PIGV: variants seen among roughly 807,000 people sequenced by gnomAD.
PIGV encodes phosphatidylinositol glycan anchor biosynthesis class V, also known as GPI alpha-1,6-mannosyltransferase 2.
A neutral mutation model predicts 39.2 loss-of-function variants in PIGV; 27 were observed. The ratio of observed to expected loss-of-function variants is 0.69; its 90% CI spans 0.51 to 0.95. The LOEUF is 0.95. Among genes scored for constraint, PIGV ranks in the 40% least tolerant of loss-of-function variants. The probability of loss-of-function intolerance (pLI) is 0.00; values close to 1 mark genes in which losing one functional copy is unlikely to be tolerated. For missense variants in PIGV, 523 were observed against 586.4 expected (o/e 0.89, Z 1.12); for synonymous variants, 232 against 241.7 (o/e 0.96, Z 0.37).
chr1:26,799,767 C>T lies in PIGV; in HGVS notation c.*1923C>T, dbSNP rs2081430411. 6.6e-6 allele frequency among the ~76,000 whole-genome samples: 1 copy of T among 152,190 alleles called. No homozygotes were observed. Among genetic ancestry groups the T allele is most frequent in the African/African-American group, 2.4e-5 (1 of 41,432 alleles). On this transcript the variant is annotated 3_prime_UTR_variant, in exon 4 of 4. Coordinates refer to ENST00000674202, the MANE Select transcript of PIGV (RefSeq NM_017837.4). ...CACACAGATCAGGGCAGCCCTCTGC[C>T]TTCTGCCAAGACACCAAGTGCCCTT...
At position 26,797,734 on chromosome 1, in the gene PIGV, T is replaced by C. The variant is rs779812378; in HGVS notation, c.1372T>C (p.Leu458=). The C allele has an allele frequency of 3.7e-6, 6 of 1,614,174 alleles. No homozygotes were observed. In the Admixed American group the frequency reaches 8.3e-5, roughly 22 times the overall value. Reference sequence around the variant, plus strand: ...CCCCAGAAATCCTATCATGGGACTTTTGTATCACTGGAAAACCTGTTCTCC... The same window carrying C: ...CCCCAGAAATCCTATCATGGGACTTCTGTATCACTGGAAAACCTGTTCTCC... ...KVPRNPIMGL[L]YHWKTCSPVT... is the part of the protein sequence containing the mutation. Residue 458 remains leucine, a synonymous_variant, in exon 4 of 4, where the codon TTG becomes CTG. Coordinates refer to ENST00000674202, the MANE Select transcript of PIGV (RefSeq NM_017837.4).
intron 1 of PIGV, 120 bp from the exon 2 acceptor site, chr1:26,790,639 G>T (rs2081297352): frequency 1.6e-6 from 1 of 632,420 alleles, no homozygotes. Context: ...CCCTCATCTG[G>T]GAAGTTAGGT....
At chr1:26,791,998 T>A (rs1189565812) in intron 2 of PIGV, among the ~76,000 whole-genome samples, 1 of 152,144 alleles carries the variant, frequency 6.6e-6, no homozygotes, top group Admixed American at 6.5e-5. Flanking sequence ...CTAATTCGGG[T>A]GGTAATTTTG....
At position 26,794,732 on chromosome 1, in the gene PIGV, A is replaced by G; in HGVS notation, c.698A>G (p.Gln233Arg). 1.2e-6 allele frequency: 2 copies of G among 1,614,202 alleles called. No individual in the cohort carries two copies. The highest frequency in any genetic ancestry group is 1.7e-6 in the Non-Finnish European group (2 of 1,180,040). ...SSLTMLNPLR[Q>R]LFKLMASLFL... Reference sequence around the variant, plus strand: ...CTAACGATGCTGAATCCTCTGAGACAGCTCTTTAAGCTGATGGCCTCTCTG... The same window carrying G: ...CTAACGATGCTGAATCCTCTGAGACGGCTCTTTAAGCTGATGGCCTCTCTG... The change falls in exon 3 of 4, where the codon CAG (glutamine) becomes CGG (arginine). Residue 233 changes from glutamine (Q) to arginine (R), a missense_variant. Physicochemically the swap from Gln to Arg is conservative, Grantham distance 43 (BLOSUM62 1). Transcript: ENST00000674202.
Position 26,799,212 on chromosome 1 carries a change from C to T in PIGV, c.*1368C>T, listed in dbSNP as rs375667563. Among the ~76,000 whole-genome samples the T allele has an allele frequency of 1.1e-4, 16 of 152,120 alleles. No individual in the cohort carries two copies. The highest frequency in any genetic ancestry group is 1.7e-4 in the African/African-American group (7 of 41,412). On this transcript the variant is annotated 3_prime_UTR_variant, in exon 4 of 4. Coordinates refer to ENST00000674202, the MANE Select transcript of PIGV (RefSeq NM_017837.4). ...CTGGCAGATAAGGTGCCTGTTGTGCCGTTCTCAGATGCCTGCTTACTTGAT... is the reference window on the plus strand; with the variant it reads ...CTGGCAGATAAGGTGCCTGTTGTGCTGTTCTCAGATGCCTGCTTACTTGAT...
rs2081431552 is a variant in PIGV at position 26,799,915 on chromosome 1, G to C, written c.*2071G>C. Reference sequence around the variant, plus strand: ...TCCACCTTGCGTGCAGGAAGTGTTGGGGTCCTGTTTCAGCTCTTTATTGCC... The same window carrying C: ...TCCACCTTGCGTGCAGGAAGTGTTGCGGTCCTGTTTCAGCTCTTTATTGCC... On this transcript the variant is annotated 3_prime_UTR_variant, in exon 4 of 4. Coordinates refer to ENST00000674202, the MANE Select transcript of PIGV (RefSeq NM_017837.4). Among the ~76,000 whole-genome samples, 1 of 152,126 alleles carries C rather than the reference G, an allele frequency of 6.6e-6. No homozygotes were observed. Among genetic ancestry groups the C allele is most frequent in the South Asian group, 2.1e-4 (1 of 4,826 alleles).
chr1:26,794,250 G>T lies in PIGV; in HGVS notation c.216G>T (p.Leu72Phe). The change falls in exon 3 of 4, where the codon TTG becomes TTT. Residue 72 changes from leucine to phenylalanine, a missense_variant. Transcript: ENST00000674202. Reference protein sequence around the residue: ...GLSHWDAEHFLFIAEHGYLYE... With the variant: ...GLSHWDAEHFFFIAEHGYLYE... ...CTCACTGGGATGCTGAACACTTCTT[G>T]TTCATTGCTGAGCATGGCTACCTGT... The T allele has an allele frequency of 6.2e-7, 1 of 1,614,192 alleles. No homozygotes were observed. The highest frequency in any genetic ancestry group is 1.7e-5 in the Admixed American group (1 of 60,022).
intron 3 of PIGV, among the ~76,000 whole-genome samples, chr1:26,796,820 A>G (rs2081390288): frequency 6.6e-6 from 1 of 152,172 alleles, no homozygotes; most frequent in Non-Finnish European, 1.5e-5. Flanking sequence ...AACCTTAACC[A>G]ATGTTTTGGG....
At chr1:26,793,815 C>A (rs77433550) in intron 2 of PIGV, among the ~76,000 whole-genome samples, 1 of 152,264 alleles carries the variant, frequency 6.6e-6, no homozygotes, top group Non-Finnish European at 1.5e-5. Context: ...TGCTACGTTG[C>A]CCAGGCTGGT....
At position 26,800,506 on chromosome 1, in the gene PIGV, T is replaced by C. The variant is rs1357636185; in HGVS notation, c.*2662T>C. ...AGAGTGTTTGACATACCTTTACCAG[T>C]CCTCCTGGAAAAATGTTACTTTTAT... On this transcript the variant is annotated 3_prime_UTR_variant, in exon 4 of 4. Coordinates refer to ENST00000674202, the MANE Select transcript of PIGV (RefSeq NM_017837.4). Among the ~76,000 whole-genome samples the C allele has an allele frequency of 6.6e-6, 1 of 152,124 alleles. No individual in the cohort carries two copies.
chr1:26,788,137 C>T lies in PIGV; in HGVS notation c.-189C>T, dbSNP rs2081260966. The stretch of plus-strand genomic sequence containing the variant: ...GCCCGGAGAAGCGGGGAGCCCCGCC[C>T]CTCCGCCATAGCAGCCTCGGGCGCC... On this transcript the variant is annotated 5_prime_UTR_variant, in exon 1 of 4. Coordinates refer to ENST00000674202, the MANE Select transcript of PIGV (RefSeq NM_017837.4). 1 of 152,334 alleles carries T rather than the reference C, an allele frequency of 6.6e-6. No individual in the cohort carries two copies. The highest frequency in any genetic ancestry group is 2.4e-5 in the African/African-American group (1 of 41,472). The allele number at this position is 152,334 out of a possible 1,614,324, so 9.4% of individuals were successfully genotyped here. A position where few individuals can be genotyped will look rare whatever the true frequency, so the allele number is the denominator to read the frequency against.
At chr1:26,793,356 A>G (rs2081336929) in intron 2 of PIGV, among the ~76,000 whole-genome samples, 1 of 152,152 alleles carries the variant, frequency 6.6e-6, no homozygotes, top group South Asian at 2.1e-4. Context: ...CTCCATTGAA[A>G]TAGCCCTTGT....
chr1:26,791,483 C>T (rs1177618549), intron 2 of PIGV, among the ~76,000 whole-genome samples: 1 of 152,152 alleles, frequency 6.6e-6, no homozygotes, highest in Admixed American at 6.5e-5. Context: ...TAAAATATCA[C>T]GTATATATGA....
At chr1:26,792,308 G>A (rs961201764) in intron 2 of PIGV, among the ~76,000 whole-genome samples, 1 of 151,106 alleles carries the variant, frequency 6.6e-6, no homozygotes, top group Non-Finnish European at 1.5e-5. Context: ...ACCACACCCA[G>A]CTAATTTTTG....
chr1:26,795,221 G>T lies in PIGV; in HGVS notation c.1187G>T (p.Cys396Phe). Reference protein sequence around the residue: ...AAVLLLFGGLCMHVQVLTRFL... With the variant: ...AAVLLLFGGLFMHVQVLTRFL... ...GTGCTGCTGCTGTTTGGAGGTCTGT[G>T]CATGCATGTTCAGGTGAGGTGGATT... The change falls in exon 3 of 4, where the codon TGC becomes TTC. Residue 396 changes from cysteine to phenylalanine, a missense_variant. By Grantham distance (205) the Cys-to-Phe change is radical. Coordinates refer to ENST00000674202, the MANE Select transcript of PIGV (RefSeq NM_017837.4). 1 of 1,613,802 alleles carries T rather than the reference G, an allele frequency of 6.2e-7. No homozygotes were observed. Among genetic ancestry groups the T allele is most frequent in the Non-Finnish European group, 8.5e-7 (1 of 1,180,042 alleles).
chr1:26,797,754 T>C lies in PIGV; in HGVS notation c.1392T>C (p.Cys464=), dbSNP rs781607393. Residue 464 remains cysteine, a synonymous_variant, in exon 4 of 4, where the codon TGT becomes TGC. Coordinates refer to ENST00000674202, the MANE Select transcript of PIGV (RefSeq NM_017837.4). ...GACTTTTGTATCACTGGAAAACCTGTTCTCCAGTCACACGATACATTCTAG... is the reference window on the plus strand; with the variant it reads ...GACTTTTGTATCACTGGAAAACCTGCTCTCCAGTCACACGATACATTCTAG... ...IMGLLYHWKT[C]SPVTRYILGY... is the part of the protein sequence containing the mutation. The C allele has an allele frequency of 3.1e-6, 5 of 1,614,040 alleles. No individual in the cohort carries two copies. The South Asian group carries it at 4.4e-5, about 14-fold the overall frequency.
Position 26,788,240 on chromosome 1 carries a change from A to G in PIGV, c.-86A>G, listed in dbSNP as rs969297367. On this transcript the variant is annotated 5_prime_UTR_variant, in exon 1 of 4. Coordinates refer to ENST00000674202, the MANE Select transcript of PIGV (RefSeq NM_017837.4). ...GTGGGGCTCTGCAGGCTCCCTCGGGAGTGGTCCTTGGGCCGTGGCCCCTCT... is the reference window on the plus strand; with the variant it reads ...GTGGGGCTCTGCAGGCTCCCTCGGGGGTGGTCCTTGGGCCGTGGCCCCTCT... 2 of 152,358 alleles carry G rather than the reference A, an allele frequency of 1.3e-5. No homozygotes were observed. Among genetic ancestry groups the G allele is most frequent in the Non-Finnish European group, 2.9e-5 (2 of 68,220 alleles). The allele number at this position is 152,358 out of a possible 1,614,324, so 9.4% of individuals were successfully genotyped here.
chr1:26,792,453 G>A (rs976998081), intron 2 of PIGV, among the ~76,000 whole-genome samples: 52 of 150,994 alleles, frequency 3.4e-4, no homozygotes, highest in Non-Finnish European at 5.3e-4. Context: ...TCAGCCTCCC[G>A]AGTAGCTGGG....
chr1:26,787,265 CTCTT>C (rs2081248917), upstream of PIGV, among the ~76,000 whole-genome samples: 3 of 151,936 alleles, frequency 2.0e-5, no homozygotes, highest in South Asian at 2.1e-4. Context: ...TTGAGTTCGC[CTCTT>C]TTTTTTTCTT....
Sources: allele counts gnomAD v4.1 joint callset (sites outside exome capture counted in the v4.1 genomes callset), GRCh38; gene constraint gnomAD v4.1.1; transcripts MANE v1.5; gene names NCBI Gene and HGNC (gene_info 2026-07-23, HGNC 2026-07-21).